Variants in ARMH4 observed in about 807,000 individuals in gnomAD.
The protein encoded by ARMH4 is armadillo like helical domain containing 4, also known as armadillo-like helical domain-containing protein 4.
A neutral mutation model predicts 61.9 loss-of-function variants in ARMH4; 49 were observed. That is an observed-to-expected ratio of 0.79 (90% CI 0.63 to 1.00). ARMH4 has a LOEUF of 1.00. Among genes scored for constraint, ARMH4 ranks in the 50% least tolerant of loss-of-function variants. ARMH4 has a pLI of 0.00. For synonymous variants in ARMH4, 368 were observed against 341.5 expected (o/e 1.08, Z -0.85); for missense variants, 934 against 930.0 (o/e 1.00, Z -0.06).
chr14:58,045,676 G>A (rs188580996), intron 5 of ARMH4, among the ~76,000 whole-genome samples: 4 of 151,894 alleles, frequency 2.6e-5, no homozygotes, highest in Non-Finnish European at 4.4e-5. Flanking sequence ...TATGTTGATG[G>A]CTTAACCCTC....
chr14:58,120,159 T>A (rs1236925310), intron 4 of ARMH4, among the ~76,000 whole-genome samples: 2 of 152,292 alleles, frequency 1.3e-5, no homozygotes, highest in East Asian at 3.9e-4. Flanking sequence ...GTTACTGTAC[T>A]GAATACTGTA....
At chr14:58,034,054 G>T (rs1364663094) in intron 5 of ARMH4, among the ~76,000 whole-genome samples, 1 of 123,782 alleles carries the variant, frequency 8.1e-6, no homozygotes, top group Non-Finnish European at 1.8e-5. Context: ...TACAGAGAAC[G>T]CCACAAAGAT....
At chr14:58,019,845 C>A (rs1165267301) in intron 5 of ARMH4, among the ~76,000 whole-genome samples, 1 of 151,986 alleles carries the variant, frequency 6.6e-6, no homozygotes, top group East Asian at 1.9e-4. Flanking sequence ...TTCCATGCAT[C>A]CTACCAATGG....
intron 1 of ARMH4, among the ~76,000 whole-genome samples, chr14:58,144,493 C>T (rs1026133412): frequency 6.6e-6 from 1 of 152,088 alleles, no homozygotes; most frequent in Non-Finnish European, 1.5e-5. Flanking sequence ...TGCAGTGAGC[C>T]GTGATCATAC....
intron 2 of ARMH4, 23 bp downstream of exon 2, chr14:58,137,967 G>T: frequency 6.4e-7 from 1 of 1,565,174 alleles, no homozygotes; most frequent in Non-Finnish European, 8.6e-7. Context: ...ACCAAAGTTT[G>T]TTTTTCTTTT....
intron 5 of ARMH4, among the ~76,000 whole-genome samples, chr14:58,041,964 C>G (rs934266784): frequency 1.3e-5 from 2 of 152,044 alleles, no homozygotes; most frequent in Non-Finnish European, 1.5e-5. Context: ...TAGAGACCTA[C>G]AAAGAGACTT....
intron 4 of ARMH4, chr14:58,116,376 T>C (rs1457135823): frequency 5.4e-6 from 2 of 371,514 alleles, no homozygotes; most frequent in Non-Finnish European, 1.1e-5. Context: ...TTCAGGCAGC[T>C]GTTTAAATAT....
At chr14:58,131,158 T>C in intron 4 of ARMH4, 1 of 200,260 alleles carries the variant, frequency 5.0e-6, no homozygotes, top group Non-Finnish European at 1.0e-5. Flanking sequence ...TTCTTAATTC[T>C]GCTGCTATGG....
rs1887097346 is a variant in ARMH4, at chr14:58,131,561, A to C, written c.1782T>G (p.Thr594=). 1 of 1,614,236 alleles carries C rather than the reference A, an allele frequency of 6.2e-7. No homozygotes were observed. ...SERRTVVPSI[T]RVNTAASYGL... ...CATATGAGGCAGCTGTATTAACACG[A>C]GTAATAGATGGAACAACAGTTCTTC... is the stretch of plus-strand genomic sequence containing the variant. The change falls in exon 4 of 8, where the codon ACT becomes ACG. Residue 594 remains threonine, a synonymous_variant. Coordinates refer to ENST00000267485, the MANE Select transcript of ARMH4 (RefSeq NM_001001872.4).
intron 4 of ARMH4, among the ~76,000 whole-genome samples, chr14:58,126,724 G>T (rs1886906788): frequency 6.6e-6 from 1 of 151,438 alleles, no homozygotes; most frequent in Admixed American, 6.6e-5. Context: ...GAAAAAAACT[G>T]TAGTTAAAGG....
chr14:58,012,119 C>A lies in ARMH4; in HGVS notation c.2121G>T (p.Lys707Asn), dbSNP rs1307562047. Reference protein sequence around the residue: ...VRSWMEKLKDKAGYMSGMLVP... With the variant: ...VRSWMEKLKDNAGYMSGMLVP... Reference sequence around the variant, plus strand: ...CAATGGAAGAAAATACTTTTCTTACCTTGTCTTTTAATTTTTCCATCCAGC... The same window carrying A: ...CAATGGAAGAAAATACTTTTCTTACATTGTCTTTTAATTTTTCCATCCAGC... The change falls in exon 6 of 8, where the codon AAG becomes AAT. Residue 707 changes from lysine (K) to asparagine (N), a missense_variant and splice_region_variant. Lys to Asn is a moderately conservative substitution (Grantham distance 94). Coordinates refer to ENST00000267485, the MANE Select transcript of ARMH4 (RefSeq NM_001001872.4). The A allele has an allele frequency of 6.8e-7, 1 of 1,480,702 alleles. No individual in the cohort carries two copies. The highest frequency in any genetic ancestry group is 1.2e-5 in the South Asian group (1 of 80,780). 91.7% of individuals were successfully genotyped at this position (1,480,702 alleles called of 1,614,324 possible). A position where few individuals can be genotyped will look rare whatever the true frequency, so the allele number is the denominator to read the frequency against.
chr14:58,010,094 G>C (rs2141130646), intron 6 of ARMH4, among the ~76,000 whole-genome samples: 1 of 152,286 alleles, frequency 6.6e-6, no homozygotes, highest in South Asian at 2.1e-4. Flanking sequence ...TGGGCATGTA[G>C]TTTAGTTTTT....
intron 4 of ARMH4, among the ~76,000 whole-genome samples, chr14:58,122,047 T>C (rs1423346349): frequency 2.0e-5 from 3 of 152,158 alleles, no homozygotes; most frequent in Admixed American, 1.3e-4. Flanking sequence ...GGCTCTGTCA[T>C]TGAGGCAAAG....
intron 4 of ARMH4, among the ~76,000 whole-genome samples, chr14:58,122,149 G>A (rs1435071837): frequency 6.6e-6 from 1 of 152,138 alleles, no homozygotes; most frequent in African/African-American, 2.4e-5. Context: ...TCACACTACA[G>A]AATCACAAAT....
intron 5 of ARMH4, among the ~76,000 whole-genome samples, chr14:58,022,345 T>C (rs935133100): frequency 6.6e-6 from 1 of 152,124 alleles, no homozygotes; most frequent in Non-Finnish European, 1.5e-5. Context: ...AATCTCCCCA[T>C]CTCCAGGTCC....
At chr14:58,076,116 G>GGGA (rs879876489) in intron 5 of ARMH4, among the ~76,000 whole-genome samples, 11 of 150,776 alleles carry the variant, frequency 7.3e-5, no homozygotes, top group East Asian at 2.0e-4. Context: ...GAGGGGGAAG[G>GGGA]GGAGGAGGAG....
In ARMH4 at chr14:58,066,149, A is replaced by G. The variant is rs115222521; in HGVS notation, c.2089+30575T>C. ...TTCATTTACTTCAATTAAAATGTGC[A>G]CTAATTTTTAGAAACTTCCAGGATA... On this transcript the variant is annotated intron_variant, in intron 5 of 7. Transcript: ENST00000267485. Among the ~76,000 whole-genome samples, 1,134 of 152,316 alleles carry G rather than the reference A, an allele frequency of 7.4e-3. 24 individuals carry two copies. The highest frequency in any genetic ancestry group is 0.063 in the East Asian group (324 of 5,180).
chr14:58,047,711 G>C (rs760235998), intron 5 of ARMH4, among the ~76,000 whole-genome samples: 9 of 152,142 alleles, frequency 5.9e-5, no homozygotes, highest in Non-Finnish European at 1.2e-4. Context: ...ACTCCTCCCT[G>C]CTCCAAGAAG....
chr14:58,047,298 T>C (rs1883975809), intron 5 of ARMH4, among the ~76,000 whole-genome samples: 1 of 152,256 alleles, frequency 6.6e-6, no homozygotes, highest in African/African-American at 2.4e-5. Context: ...TTAAATTTTC[T>C]CACAGTAAAC....
Sources: allele counts gnomAD v4.1 joint callset (sites outside exome capture counted in the v4.1 genomes callset), GRCh38; gene constraint gnomAD v4.1.1; transcripts MANE v1.5; gene names NCBI Gene and HGNC (gene_info 2026-07-23, HGNC 2026-07-21).